The following ZNF618 variants were observed in gnomAD, a reference collection of about 807,000 sequenced individuals.
ZNF618 encodes the protein zinc finger protein 618, also known as neural precursor cell expressed, developmentally down-regulated 10.
In ZNF618, 34 loss-of-function variants were observed where a neutral mutation model predicts 103.0. That is an observed-to-expected ratio of 0.33 (90% CI 0.25 to 0.44). ZNF618 has a LOEUF of 0.44. Ranked by LOEUF, ZNF618 falls within the 20% of genes least tolerant of loss-of-function variation. The pLI is 1.00. For synonymous variants in ZNF618, 551 were observed against 542.2 expected, an observed-to-expected ratio of 1.02 and a Z score of -0.23; for missense variants, 1,059 against 1,295.4, an observed-to-expected ratio of 0.82 and a Z score of 2.80.
At chr9:114,030,017 C>T (rs1270075342) in intron 11 of ZNF618, among the ~76,000 whole-genome samples, 1 of 152,150 alleles carries the variant, frequency 6.6e-6, no homozygotes, top group Non-Finnish European at 1.5e-5. Context: ...CCTCTGGGAC[C>T]GCGGGCCCTT....
rs1331127024 is a variant in ZNF618, at chr9:114,054,832, C to G, written c.*4665C>G. ...GTGGTCGGGGGAGCCCTGGCTTTCACCAAAGGAGCCCAGTGGTTTCTGTGG... is the reference window on the plus strand; with the variant it reads ...GTGGTCGGGGGAGCCCTGGCTTTCAGCAAAGGAGCCCAGTGGTTTCTGTGG... On this transcript the variant is annotated 3_prime_UTR_variant, in exon 15 of 15. Transcript: ENST00000374126. The G allele has an allele frequency of 1.3e-5, 2 of 152,386 alleles. No individual in the cohort carries two copies. Among genetic ancestry groups the G allele is most frequent in the Non-Finnish European group, 2.9e-5 (2 of 68,054 alleles). 9.4% of individuals were successfully genotyped at this position (152,386 alleles called of 1,614,324 possible).
chr9:113,990,691 T>C (rs1343875965), intron 3 of ZNF618, among the ~76,000 whole-genome samples: 5 of 151,796 alleles, frequency 3.3e-5, no homozygotes, highest in Non-Finnish European at 2.9e-5. Flanking sequence ...GAGAGAGAGG[T>C]GTTAATTCCG....
intron 6 of ZNF618, among the ~76,000 whole-genome samples, chr9:114,005,060 T>C (rs1841611543): frequency 6.6e-6 from 1 of 152,224 alleles, no homozygotes; most frequent in Non-Finnish European, 1.5e-5. Context: ...ATGTCCCTTG[T>C]GTTCCTTTAT....
intron 1 of ZNF618, among the ~76,000 whole-genome samples, chr9:113,896,084 ATGAC>A (rs1830015958): frequency 1.3e-5 from 2 of 151,860 alleles, no homozygotes; most frequent in African/African-American, 4.8e-5. Flanking sequence ...CCTTGGTTGA[ATGAC>A]TGGTATTCAG....
chr9:114,038,380 G>A (rs143659728), intron 13 of ZNF618, among the ~76,000 whole-genome samples: 11 of 152,310 alleles, frequency 7.2e-5, no homozygotes, highest in Admixed American at 7.2e-4. Flanking sequence ...GAGTGGAGCC[G>A]TGGGCTGCTT....
intron 1 of ZNF618, among the ~76,000 whole-genome samples, chr9:113,952,183 C>T (rs529100105): frequency 3.9e-5 from 6 of 152,022 alleles, no homozygotes; most frequent in South Asian, 2.1e-4. Context: ...ATATTTGGTC[C>T]GCAGCATTTC....
At chr9:113,916,322 G>T (rs980710769) in intron 1 of ZNF618, among the ~76,000 whole-genome samples, 1 of 152,134 alleles carries the variant, frequency 6.6e-6, no homozygotes, top group East Asian at 1.9e-4. Flanking sequence ...AGCCTGGACC[G>T]GTGGATTCCG....
intron 1 of ZNF618, among the ~76,000 whole-genome samples, chr9:113,925,261 A>G (rs914923513): frequency 3.9e-5 from 6 of 151,978 alleles, no homozygotes; most frequent in Admixed American, 1.3e-4. Flanking sequence ...GCCCCTCTTT[A>G]TCCCTGATAA....
intron 10 of ZNF618, 64 bp downstream of exon 10, chr9:114,016,848 G>A: frequency 7.5e-7 from 1 of 1,341,500 alleles, no homozygotes; most frequent in Non-Finnish European, 1.0e-6. Context: ...GCCAGCCGTT[G>A]GCCAGGCCTC....
Position 113,988,517 on chromosome 9 carries a change from A to C in ZNF618, c.274A>C (p.Thr92Pro), listed in dbSNP as rs771817274. The C allele has an allele frequency of 6.2e-7, 1 of 1,612,856 alleles. No homozygotes were observed. The highest frequency in any genetic ancestry group is 8.5e-7 in the Non-Finnish European group (1 of 1,179,812). ...EEKKAVSKDG[T>P]SDVPAEICVV... ...GAAGAAGGCGGTCAGCAAGGATGGG[A>C]CCAGCGACGTGCCTGCCGAGATCTG... The change falls in exon 3 of 15, where the codon ACC (threonine) becomes CCC (proline). Residue 92 changes from threonine to proline, a missense_variant. Physicochemically the swap from Thr to Pro is conservative, Grantham distance 38. This residue lies in a region of ZNF618 where 194 missense variants were observed against 209.0 expected (regional missense o/e 0.93). Transcript: ENST00000374126.
chr9:114,008,358 G>C lies in ZNF618; in HGVS notation c.655G>C (p.Gly219Arg), dbSNP rs1038411253. The C allele has an allele frequency of 6.2e-7, 1 of 1,613,920 alleles. No homozygotes were observed. Among genetic ancestry groups the C allele is most frequent in the African/African-American group, 1.3e-5 (1 of 75,044 alleles). Residue 219 changes from glycine (G) to arginine (R), a missense_variant, in exon 8 of 15, where the codon GGG (glycine) becomes CGG (arginine). Transcript: ENST00000374126. The stretch of plus-strand genomic sequence containing the variant: ...CCCGGGCGCAGTGTTTAGTGTGGAA[G>C]GGGCCCCTGAGAACCGGGCAGGTAA... Reference protein sequence around the residue: ...LHAVDVFSVEGAPENRADPFD... With the variant: ...LHAVDVFSVERAPENRADPFD...
intron 11 of ZNF618, among the ~76,000 whole-genome samples, chr9:114,032,330 A>G (rs2134249112): frequency 6.6e-6 from 1 of 152,272 alleles, no homozygotes; most frequent in East Asian, 1.9e-4. Flanking sequence ...GCTCTCCAGG[A>G]GCCAAAGATG....
chr9:113,907,419 C>T (rs1049485443), intron 1 of ZNF618, among the ~76,000 whole-genome samples: 8 of 152,218 alleles, frequency 5.3e-5, no homozygotes, highest in Admixed American at 2.0e-4. Flanking sequence ...GTTTTTTCCT[C>T]GCCTGGCTTG....
At chr9:113,904,422 G>T (rs1400378923) in intron 1 of ZNF618, among the ~76,000 whole-genome samples, 1 of 151,650 alleles carries the variant, frequency 6.6e-6, no homozygotes, top group African/African-American at 2.4e-5. Context: ...TAATTTTTCT[G>T]CTGCTTTCAT....
In ZNF618 at chr9:114,048,642, C is replaced by T. The variant is rs1313008789; in HGVS notation, c.1349-9C>T. The T allele has an allele frequency of 9.4e-6, 15 of 1,602,280 alleles. No homozygotes were observed. Among genetic ancestry groups the T allele is most frequent in the Non-Finnish European group, 1.3e-5 (15 of 1,172,282 alleles). ...AATTAATCCCATCTGTCTTTGTGTC[C>T]TCTGCCAGCCACTACCAGTGGTTTA... On this transcript the variant is annotated splice_polypyrimidine_tract_variant and intron_variant, in intron 14 of 14. Transcript: ENST00000374126.
intron 1 of ZNF618, among the ~76,000 whole-genome samples, chr9:113,882,788 G>A (rs193058917): frequency 1.3e-5 from 2 of 152,248 alleles, no homozygotes; most frequent in East Asian, 3.9e-4. Context: ...TCATGCTGGG[G>A]CCCTTGCCTC....
intron 3 of ZNF618, among the ~76,000 whole-genome samples, chr9:113,997,489 GCCCCTCTGGTCCTCACTTT>G (rs1177384764): frequency 6.6e-6 from 1 of 152,152 alleles, no homozygotes; most frequent in Non-Finnish European, 1.5e-5. Context: ...GCTATTCGTT[GCCCCTCTGGTCCTCACTTT>G]CCTCATCTGA....
At chr9:114,033,749 G>C (rs781209177) in intron 12 of ZNF618, among the ~76,000 whole-genome samples, 6 of 152,170 alleles carry the variant, frequency 3.9e-5, no homozygotes, top group Non-Finnish European at 5.9e-5. Context: ...CTCACATTGT[G>C]GTTACATTAG....
At chr9:113,985,499 C>T (rs147660442) in intron 2 of ZNF618, among the ~76,000 whole-genome samples, 2 of 152,352 alleles carry the variant, frequency 1.3e-5, no homozygotes, top group Admixed American at 1.3e-4. Flanking sequence ...TGTCCTGCAG[C>T]TAGGCGGGCC....
Sources: allele counts gnomAD v4.1 joint callset (sites outside exome capture counted in the v4.1 genomes callset), GRCh38; gene constraint gnomAD v4.1.1; regional missense constraint gnomAD v4.1.1; transcripts MANE v1.5; gene names NCBI Gene and HGNC (gene_info 2026-07-23, HGNC 2026-07-21).